Variants in PRKN observed in about 807,000 individuals in gnomAD.
The protein encoded by PRKN is parkin RBR E3 ubiquitin protein ligase, also known as E3 ubiquitin-protein ligase parkin.
Under a neutral mutation model 59.5 loss-of-function variants are expected in PRKN, and 56 were observed. The observed-to-expected ratio is 0.94, with a 90% CI of 0.76 to 1.18. PRKN has a LOEUF of 1.18. Among genes scored for constraint, PRKN ranks in the 50% most tolerant of loss-of-function variants. PRKN has a pLI of 0.00. For synonymous variants in PRKN, 250 were observed against 222.1 expected (o/e 1.13, Z -1.12); for missense variants, 657 against 596.4 (o/e 1.10, Z -1.06).
intron 10 of PRKN, among the ~76,000 whole-genome samples, chr6:161,381,416 A>G (rs12215325): frequency 0.17 from 25,187 of 152,188 alleles, 2,222 homozygotes; most frequent in Non-Finnish European, 0.18. Flanking sequence ...TATGGACAAA[A>G]TCTATCACAA....
At chr6:161,537,642 G>A (rs562989450) in intron 9 of PRKN, among the ~76,000 whole-genome samples, 58 of 152,084 alleles carry the variant, frequency 3.8e-4, no homozygotes, top group East Asian at 2.3e-3. Flanking sequence ...TAGTAGAGAC[G>A]GGGTTTCACC....
rs1433489179 is a variant in PRKN, at chr6:161,573,538, GTGAAACCCC to G, written c.872-4131_872-4123del. Among the ~76,000 whole-genome samples, 10 of 150,600 alleles carry G rather than the reference GTGAAACCCC, an allele frequency of 6.6e-5. No homozygotes were observed. In the South Asian group the frequency reaches 1.1e-3, roughly 16 times the overall value. ...GATTGAGACCATCGTGGCTAATACA[GTGAAACCCC>G]GTCTCTACTAAAAATACAAAAAATT... On this transcript the variant is annotated intron_variant, in intron 7 of 11. Transcript: ENST00000366898.
At chr6:162,450,896 T>C (rs1389822918) in intron 1 of PRKN, among the ~76,000 whole-genome samples, 2 of 152,186 alleles carry the variant, frequency 1.3e-5, no homozygotes, top group African/African-American at 4.8e-5. Flanking sequence ...CATTCTTTCA[T>C]TAATGATAAC....
At chr6:162,276,690 G>GGT (rs34824370) in intron 2 of PRKN, among the ~76,000 whole-genome samples, 8 of 150,510 alleles carry the variant, frequency 5.3e-5, no homozygotes, top group Non-Finnish European at 1.0e-4. Flanking sequence ...AACAGAAGCT[G>GGT]GTGTGTGTGT....
chr6:161,774,115 A>T (rs1328483509), intron 7 of PRKN, among the ~76,000 whole-genome samples: 1 of 152,124 alleles, frequency 6.6e-6, no homozygotes, highest in Non-Finnish European at 1.5e-5. Flanking sequence ...AGCTAGAATG[A>T]GCTCTGCAAC....
chr6:161,816,906 G>A (rs865968514), intron 6 of PRKN, among the ~76,000 whole-genome samples: 1 of 152,066 alleles, frequency 6.6e-6, no homozygotes, highest in Admixed American at 6.5e-5. Context: ...CTTGATTCCT[G>A]TCCTCCAAAA....
chr6:162,169,498 A>G (rs927029690), intron 4 of PRKN, among the ~76,000 whole-genome samples: 1 of 152,252 alleles, frequency 6.6e-6, no homozygotes, highest in East Asian at 1.9e-4. Context: ...ATGTAAAAAA[A>G]TAAGACTTCT....
chr6:161,571,011 C>G (rs1400561586), intron 7 of PRKN, among the ~76,000 whole-genome samples: 1 of 152,142 alleles, frequency 6.6e-6, no homozygotes, highest in African/African-American at 2.4e-5. Context: ...TGGCTCATTG[C>G]AGCCTTGACC....
intron 1 of PRKN, among the ~76,000 whole-genome samples, chr6:162,631,048 C>T (rs999693498): frequency 1.3e-5 from 2 of 152,104 alleles, no homozygotes; most frequent in African/African-American, 4.8e-5. Context: ...TTTTCCAAAG[C>T]TTCACTCAAA....
chr6:161,766,106 T>C (rs1789411455), intron 7 of PRKN, among the ~76,000 whole-genome samples: 1 of 152,178 alleles, frequency 6.6e-6, no homozygotes, highest in Admixed American at 6.5e-5. Flanking sequence ...AGTTAGGTTA[T>C]TTTAACTCAC....
chr6:161,465,979 A>C (rs1336857897), intron 9 of PRKN, among the ~76,000 whole-genome samples: 1 of 152,210 alleles, frequency 6.6e-6, no homozygotes, highest in Non-Finnish European at 1.5e-5. Flanking sequence ...AACACATACA[A>C]AATAATGACT....
In PRKN at chr6:161,402,696, A is replaced by G. The variant is rs765210179; in HGVS notation, c.1084-15819T>C. Among the ~76,000 whole-genome samples, 19 of 152,134 alleles carry G rather than the reference A, an allele frequency of 1.2e-4. No individual in the cohort carries two copies. The highest frequency in any genetic ancestry group is 1.5e-4 in the Non-Finnish European group (10 of 68,024). On this transcript the variant is annotated intron_variant, in intron 9 of 11. Transcript: ENST00000366898. This position sits in a 1 kb window ranked among gnomAD's most constrained non-coding sequence, Gnocchi z 4.5. ...AGGGTTAGATCATGGAAGCCTACAG[A>G]ACTATATCCTAGATACAGAAAAGAA...
intron 2 of PRKN, among the ~76,000 whole-genome samples, chr6:162,439,761 T>C (rs774264385): frequency 6.6e-6 from 1 of 152,152 alleles, no homozygotes; most frequent in East Asian, 1.9e-4. Flanking sequence ...ACTTAATGAA[T>C]AGTAAGTATC....
chr6:162,388,181 T>C (rs955400334), intron 2 of PRKN, among the ~76,000 whole-genome samples: 1 of 152,096 alleles, frequency 6.6e-6, no homozygotes, highest in Admixed American at 6.5e-5. Flanking sequence ...CCAGGTTTCA[T>C]TGCAGGAGGA....
chr6:161,931,807 A>G (rs1779179061), intron 6 of PRKN, among the ~76,000 whole-genome samples: 1 of 152,240 alleles, frequency 6.6e-6, no homozygotes, highest in South Asian at 2.1e-4. Flanking sequence ...GAAAGCAGAA[A>G]GATTTTAACT....
chr6:161,973,586 C>G (rs1179598189), intron 5 of PRKN, among the ~76,000 whole-genome samples, 169 bp from the exon 6 acceptor site: 3 of 152,124 alleles, frequency 2.0e-5, no homozygotes, highest in Non-Finnish European at 4.4e-5. Context: ...GACCTTGTGC[C>G]AAAGTGGTCA....
In PRKN at chr6:162,262,667, G is replaced by A. The variant is rs767425151; in HGVS notation, c.270C>T (p.Asn90=). ...MNATGGDDPR[N]AAGGCEREPQ... is the part of the protein sequence containing the mutation. ...GCTCCCGCTCACAGCCTCCCGCCGCGTTTCTGGGGTCGTCGCCTCCAGTTG... is the reference window on the plus strand; with the variant it reads ...GCTCCCGCTCACAGCCTCCCGCCGCATTTCTGGGGTCGTCGCCTCCAGTTG... Residue 90 remains asparagine, a synonymous_variant, in exon 3 of 12, where the codon AAC becomes AAT. Transcript: ENST00000366898. 3.2e-5 allele frequency: 52 copies of A among 1,613,034 alleles called. No individual in the cohort carries two copies. Among genetic ancestry groups the A allele is most frequent in the Admixed American group, 2.2e-4 (13 of 59,822 alleles).
Position 161,378,758 on chromosome 6 carries a change from G to T in PRKN, c.1167+8036C>A, listed in dbSNP as rs139535099. Among the ~76,000 whole-genome samples the T allele has an allele frequency of 1.3e-5, 2 of 152,174 alleles. No individual in the cohort carries two copies. The highest frequency in any genetic ancestry group is 2.9e-5 in the Non-Finnish European group (2 of 68,042). ...GCTGGAGCTGCACTGTGATGTGGGC[G>T]CTATCCTCTAAGGTGAGATTTACAC... On this transcript the variant is annotated intron_variant, in intron 10 of 11. Coordinates refer to ENST00000366898, the MANE Select transcript of PRKN (RefSeq NM_004562.3). This position sits in a 1 kb window ranked among gnomAD's most constrained non-coding sequence, Gnocchi z 7.3.
At chr6:162,143,066 T>C (rs899112760) in intron 4 of PRKN, among the ~76,000 whole-genome samples, 2 of 152,216 alleles carry the variant, frequency 1.3e-5, no homozygotes, top group South Asian at 2.1e-4. Context: ...TATTTATTTA[T>C]ACATGTGAGA....
Sources: gnomAD v4.1 joint callset for allele counts (sites outside exome capture counted in the v4.1 genomes callset) on GRCh38, gnomAD v4.1.1 for gene constraint, Gnocchi (gnomAD v3.1) non-coding constraint, MANE v1.5 for transcripts, NCBI Gene and HGNC (gene_info 2026-07-23, HGNC 2026-07-21) for gene names.